PIK3CB: variants seen among roughly 807,000 people sequenced by gnomAD.
PIK3CB encodes phosphatidylinositol 4,5-bisphosphate 3-kinase catalytic subunit beta isoform.
A neutral mutation model predicts 136.8 loss-of-function variants in PIK3CB; 39 were observed. That is an observed-to-expected ratio of 0.29 (90% CI 0.22 to 0.37). PIK3CB has a LOEUF of 0.37. PIK3CB is among the 10% of genes least tolerant of loss of function. PIK3CB has a pLI of 1.00. For synonymous variants in PIK3CB, 428 were observed against 436.6 expected (o/e 0.98, Z 0.25); for missense variants, 868 against 1,275.4 (o/e 0.68, Z 4.87).
intron 19 of PIK3CB, among the ~76,000 whole-genome samples, chr3:138,672,910 GAAAAAAAAAAA>G (rs748631273): frequency 9.8e-5 from 6 of 61,364 alleles, no homozygotes; most frequent in Non-Finnish European, 2.0e-4. Context: ...AGACTCCGTT[GAAAAAAAAAAA>G]AAAAAAAAAG....
chr3:138,667,207 C>CAA (rs149370978), intron 19 of PIK3CB, among the ~76,000 whole-genome samples: 257 of 71,824 alleles, frequency 3.6e-3, no homozygotes, highest in Middle Eastern at 0.019. Context: ...GACTCTGTCT[C>CAA]AAAAAAAAAA....
Position 138,755,963 on chromosome 3 carries a change from A to G in PIK3CB, c.188T>C (p.Val63Ala). ...GAGGTTGAACATTGGGTAATTGTGA[A>G]CTTGCTTCCATAACATCTATGAGAA... ...SYIKQMLWKQ[V>A]HNYPMFNLLM... Residue 63 changes from valine (V) to alanine (A), a missense_variant, in exon 4 of 24, where the codon GTT becomes GCT. Physicochemically the swap from Val to Ala is moderately conservative, Grantham distance 64. Transcript: ENST00000674063. 1.9e-6 allele frequency: 3 copies of G among 1,597,184 alleles called. No homozygotes were observed. The highest frequency in any genetic ancestry group is 2.7e-5 in the African/African-American group (2 of 73,660).
chr3:138,662,457 C>A (rs2108410725), intron 21 of PIK3CB, among the ~76,000 whole-genome samples: 1 of 151,414 alleles, frequency 6.6e-6, no homozygotes, highest in South Asian at 2.1e-4. Flanking sequence ...TTTTTTATGG[C>A]TGCATAGTAT....
intron 1 of PIK3CB, among the ~76,000 whole-genome samples, chr3:138,803,972 T>A (rs1461908550): frequency 6.6e-6 from 1 of 152,092 alleles, no homozygotes; most frequent in African/African-American, 2.4e-5. Flanking sequence ...TTAGATAATT[T>A]ACAAACAGGT....
At chr3:138,783,291 AT>A (rs947038912) in intron 2 of PIK3CB, among the ~76,000 whole-genome samples, 1 of 149,854 alleles carries the variant, frequency 6.7e-6, no homozygotes, top group Non-Finnish European at 1.5e-5. Context: ...TTTTTTTTTA[AT>A]TTTTTTTGGG....
At chr3:138,732,966 C>T (rs186711990) in intron 8 of PIK3CB, among the ~76,000 whole-genome samples, 4 of 151,648 alleles carry the variant, frequency 2.6e-5, no homozygotes, top group Admixed American at 1.3e-4. Flanking sequence ...CTATAGTCTT[C>T]GGGTTGTACA....
intron 2 of PIK3CB, among the ~76,000 whole-genome samples, chr3:138,794,737 A>G (rs1230503320): frequency 6.6e-6 from 1 of 152,242 alleles, no homozygotes; most frequent in Non-Finnish European, 1.5e-5. Context: ...GAGAAGATAA[A>G]CAATAAATAT....
intron 1 of PIK3CB, among the ~76,000 whole-genome samples, chr3:138,823,689 G>A (rs1459723612): frequency 7.2e-5 from 11 of 152,012 alleles, no homozygotes; most frequent in South Asian, 2.1e-4. Flanking sequence ...GCGACAGAGC[G>A]AGGCTCTGTC....
chr3:138,787,083 A>G (rs1030009416), intron 2 of PIK3CB, among the ~76,000 whole-genome samples: 10 of 152,236 alleles, frequency 6.6e-5, no homozygotes, highest in African/African-American at 2.2e-4. Flanking sequence ...GTAAACATCC[A>G]TACATATTAA....
intron 4 of PIK3CB, among the ~76,000 whole-genome samples, chr3:138,751,751 G>A (rs1290594193): frequency 1.3e-5 from 2 of 151,790 alleles, no homozygotes; most frequent in African/African-American, 2.4e-5. Flanking sequence ...TAGGCAGATC[G>A]CTTGAGGTCA....
chr3:138,714,523 G>T lies in PIK3CB; in HGVS notation c.1247C>A (p.Ser416Ter). The T allele has an allele frequency of 1.2e-6, 2 of 1,611,826 alleles. No individual in the cohort carries two copies. Among genetic ancestry groups the T allele is most frequent in the Non-Finnish European group, 1.7e-6 (2 of 1,178,072 alleles). Residue 416 changes from serine to a stop codon, truncating the protein, a stop_gained, in exon 9 of 24, where the codon TCA becomes TAA. Transcript: ENST00000674063. LOFTEE classifies it high-confidence loss of function. Reference protein sequence around the residue: ...AVLDKVKTKKSTKTINPSKYQ... With the variant: ...AVLDKVKTKK ...TTTAGAGGGATTAATAGTTTTCGTTGATTTCTTCGTTTTTACTTTATCCAA... is the reference window on the plus strand; with the variant it reads ...TTTAGAGGGATTAATAGTTTTCGTTTATTTCTTCGTTTTTACTTTATCCAA...
chr3:138,751,050 A>T (rs1263691297), intron 4 of PIK3CB, among the ~76,000 whole-genome samples: 2 of 152,194 alleles, frequency 1.3e-5, no homozygotes, highest in African/African-American at 4.8e-5. Flanking sequence ...AGAATCACAT[A>T]AAAAAATACA....
chr3:138,688,809 G>A, intron 16 of PIK3CB, 66 bp downstream of exon 16: 1 of 906,658 alleles, frequency 1.1e-6, no homozygotes, highest in South Asian at 1.4e-5. Context: ...AAAACAAGCT[G>A]ATATTCATGC....
Position 138,759,156 on chromosome 3 carries a change from T to A in PIK3CB, c.171+17A>T, listed in dbSNP as rs1275604965. 6.5e-7 allele frequency: 1 copy of A among 1,538,510 alleles called. No individual in the cohort carries two copies. Among genetic ancestry groups the A allele is most frequent in the African/African-American group, 1.4e-5 (1 of 73,490 alleles). On this transcript the variant is annotated intron_variant, in intron 3 of 23. Coordinates refer to ENST00000674063, the MANE Select transcript of PIK3CB (RefSeq NM_006219.3). Reference sequence around the variant, plus strand: ...CACAGTATGCTAAACACATAGAAATTATACCTATTAACATACCTGCTTAAT... The same window carrying A: ...CACAGTATGCTAAACACATAGAAATAATACCTATTAACATACCTGCTTAAT...
chr3:138,807,414 A>G (rs2108858432), intron 1 of PIK3CB, among the ~76,000 whole-genome samples: 1 of 152,280 alleles, frequency 6.6e-6, no homozygotes, highest in African/African-American at 2.4e-5. Context: ...AGCATGGGCA[A>G]CAGAGTGAAA....
chr3:138,717,227 C>G (rs2044629465), intron 8 of PIK3CB, among the ~76,000 whole-genome samples: 1 of 147,036 alleles, frequency 6.8e-6, no homozygotes, highest in South Asian at 2.1e-4. Flanking sequence ...GCACTCCAGT[C>G]TGGGCAACAG....
chr3:138,764,372 G>C (rs886628728), intron 2 of PIK3CB, among the ~76,000 whole-genome samples: 1 of 151,770 alleles, frequency 6.6e-6, no homozygotes, highest in Non-Finnish European at 1.5e-5. Flanking sequence ...GATCACTTGA[G>C]CCCAGGAGGC....
chr3:138,693,819 T>C (rs1412854832), intron 14 of PIK3CB, among the ~76,000 whole-genome samples: 13 of 151,022 alleles, frequency 8.6e-5, no homozygotes, highest in Non-Finnish European at 1.8e-4. Context: ...AAATGTGATA[T>C]AGAAGCATAC....
chr3:138,797,599 T>C (rs187237174), intron 1 of PIK3CB, among the ~76,000 whole-genome samples: 1 of 152,330 alleles, frequency 6.6e-6, no homozygotes, highest in African/African-American at 2.4e-5. Flanking sequence ...AATTTCGAAG[T>C]ACATAAAGCT....
Sources: gnomAD v4.1 joint callset for allele counts (sites outside exome capture counted in the v4.1 genomes callset) on GRCh38, gnomAD v4.1.1 for gene constraint, MANE v1.5 for transcripts, NCBI Gene and HGNC (gene_info 2026-07-23, HGNC 2026-07-21) for gene names.